DIAPH2: variants seen among roughly 807,000 people sequenced by gnomAD.
DIAPH2 encodes protein diaphanous homolog 2.
A neutral mutation model predicts 92.7 loss-of-function variants in DIAPH2; 35 were observed. The ratio of observed to expected loss-of-function variants is 0.38; its 90% CI spans 0.29 to 0.50. DIAPH2 has a LOEUF of 0.50. Among genes scored for constraint, DIAPH2 ranks in the 20% least tolerant of loss-of-function variants. The pLI, the probability that DIAPH2 is intolerant of heterozygous loss-of-function variation, is 0.94. For synonymous variants in DIAPH2, 301 were observed against 280.4 expected, an observed-to-expected ratio of 1.07 and a Z score of -0.73; for missense variants, 701 against 819.5, an observed-to-expected ratio of 0.86 and a Z score of 1.77.
Position 97,571,843 on chromosome X carries a change from T to C in DIAPH2, c.3242-27410T>C, listed in dbSNP as rs769788795. On this transcript the variant is annotated intron_variant, in intron 26 of 26. Transcript: ENST00000324765. ...TTTTACACCCTTCTTTAATAAAATA[T>C]TGTAAGGTATAGCTAGAAAGTTTCC... is the stretch of plus-strand genomic sequence containing the variant. Among the ~76,000 whole-genome samples, 171 of 111,775 alleles carry C rather than the reference T, an allele frequency of 1.5e-3. 1 individual carries two copies. Among genetic ancestry groups the C allele is most frequent in the African/African-American group, 5.4e-3 (166 of 30,799 alleles).
chrX:96,884,372 G>A (rs2147750778), intron 5 of DIAPH2: 2 of 1,210,741 alleles, frequency 1.7e-6, no homozygotes, highest in Non-Finnish European at 2.2e-6. Context: ...GCGAGTGGAG[G>A]CAGTGACCAA....
At chrX:97,493,230 T>G (rs905904023) in intron 26 of DIAPH2, among the ~76,000 whole-genome samples, 17 of 91,504 alleles carry the variant, frequency 1.9e-4, no homozygotes, top group African/African-American at 8.6e-4. Context: ...TTGGTTATTT[T>G]TATTTATTTA....
intron 22 of DIAPH2, among the ~76,000 whole-genome samples, chrX:97,194,302 G>A (rs1373047368): frequency 1.3e-5 from 1 of 75,454 alleles, no homozygotes; most frequent in Non-Finnish European, 2.5e-5. Flanking sequence ...TTTTTTTTTT[G>A]ACGGAGTCTT....
intron 25 of DIAPH2, among the ~76,000 whole-genome samples, chrX:97,405,870 G>A (rs1397324226): frequency 9.0e-6 from 1 of 111,322 alleles, no homozygotes; most frequent in East Asian, 2.8e-4. Flanking sequence ...TTTTTGTTGT[G>A]GATGAAACTC....
chrX:96,882,504 A>G (rs901929843), intron 5 of DIAPH2, among the ~76,000 whole-genome samples: 25 of 110,763 alleles, frequency 2.3e-4, no homozygotes, highest in Non-Finnish European at 4.0e-4. Context: ...ACTTCTCAAA[A>G]CTCTACTAAT....
chrX:97,436,361 A>C (rs1362653555), intron 26 of DIAPH2, among the ~76,000 whole-genome samples: 2 of 111,677 alleles, frequency 1.8e-5, no homozygotes, highest in Non-Finnish European at 3.8e-5. Context: ...AAATGAAACC[A>C]GGAAACAATA....
chrX:96,934,605 A>T (rs751318636), intron 10 of DIAPH2, among the ~76,000 whole-genome samples: 2 of 111,674 alleles, frequency 1.8e-5, no homozygotes, highest in South Asian at 7.5e-4. Flanking sequence ...TTCTTTAAAA[A>T]TTTATTTTCA....
intron 12 of DIAPH2, among the ~76,000 whole-genome samples, 184 bp downstream of exon 12, chrX:96,939,566 ATGTG>A (rs1158448452): frequency 2.8e-5 from 2 of 70,484 alleles, no homozygotes; most frequent in African/African-American, 4.9e-5. Flanking sequence ...ATATATATAT[ATGTG>A]TGTGTGTGTG....
At chrX:97,334,388 G>A (rs1172474676) in intron 23 of DIAPH2, among the ~76,000 whole-genome samples, 2 of 107,437 alleles carry the variant, frequency 1.9e-5, no homozygotes, top group African/African-American at 6.8e-5. Context: ...GCGTGAACCC[G>A]GGAGGCGGAG....
intron 17 of DIAPH2, among the ~76,000 whole-genome samples, chrX:97,013,253 A>G (rs375083854): frequency 3.1e-4 from 35 of 112,178 alleles, no homozygotes; most frequent in Non-Finnish European, 5.6e-4. Flanking sequence ...TAAAAAGCAG[A>G]CAGAAAAACT....
At chrX:97,107,840 C>CG (rs1436814356) in intron 20 of DIAPH2, among the ~76,000 whole-genome samples, 1 of 111,282 alleles carries the variant, frequency 9.0e-6, no homozygotes, top group Admixed American at 9.5e-5. Flanking sequence ...TTTGAAGAGA[C>CG]GGGGGGATCA....
At chrX:97,593,045 G>A (rs763702610) in intron 26 of DIAPH2, among the ~76,000 whole-genome samples, 3 of 111,820 alleles carry the variant, frequency 2.7e-5, no homozygotes, top group Non-Finnish European at 3.8e-5. Flanking sequence ...GGAGGTAATC[G>A]ATTGGCTTCT....
intron 19 of DIAPH2, among the ~76,000 whole-genome samples, chrX:97,082,909 C>T (rs2066757635): frequency 9.0e-6 from 1 of 111,442 alleles, no homozygotes. Context: ...CAGCTAGCTC[C>T]CTATTCATTT....
At chrX:97,141,305 T>G (rs990501246) in intron 21 of DIAPH2, among the ~76,000 whole-genome samples, 3 of 111,476 alleles carry the variant, frequency 2.7e-5, no homozygotes, top group Non-Finnish European at 3.8e-5. Context: ...GAACATATTT[T>G]TGTAATAAAG....
chrX:97,242,218 G>A (rs1411424958), intron 22 of DIAPH2, among the ~76,000 whole-genome samples: 1 of 109,788 alleles, frequency 9.1e-6, no homozygotes, highest in Non-Finnish European at 1.9e-5. Context: ...GCACTCCTTT[G>A]CCATCTCCCA....
chrX:96,713,806 C>T (rs753739762), intron 1 of DIAPH2, among the ~76,000 whole-genome samples: 14 of 111,613 alleles, frequency 1.3e-4, no homozygotes, highest in Non-Finnish European at 2.4e-4. Context: ...ATGTTTTTTT[C>T]ATGGCTGGAT....
chrX:97,300,958 AAAAAAAAGAAG>A (rs1212414631), intron 23 of DIAPH2, among the ~76,000 whole-genome samples: 3 of 61,025 alleles, frequency 4.9e-5, no homozygotes, highest in African/African-American at 1.6e-4. Context: ...AAAAAAAAAA[AAAAAAAAGAAG>A]AAGAAGAATG....
intron 4 of DIAPH2, among the ~76,000 whole-genome samples, chrX:96,872,493 C>CTTTTTTT (rs752843624): frequency 2.1e-5 from 2 of 95,452 alleles, no homozygotes; most frequent in African/African-American, 3.8e-5. Context: ...TTTTCTTTTT[C>CTTTTTTT]TTTTTTTTTT....
intron 26 of DIAPH2, among the ~76,000 whole-genome samples, chrX:97,536,361 C>A (rs2071095824): frequency 8.9e-6 from 1 of 111,793 alleles, no homozygotes; most frequent in African/African-American, 3.3e-5. Flanking sequence ...ACTTCTGGCT[C>A]ATTGGAATGA....
Sources: gnomAD v4.1 joint callset for allele counts (sites outside exome capture counted in the v4.1 genomes callset) on GRCh38, gnomAD v4.1.1 for gene constraint, MANE v1.5 for transcripts, NCBI Gene and HGNC (gene_info 2026-07-23, HGNC 2026-07-21) for gene names.